Variants in DDX46 observed in about 807,000 individuals in gnomAD.
The protein encoded by DDX46 is DEAD-box helicase 46.
DDX46 carries 30 observed loss-of-function variants against 134.9 expected under a neutral mutation model. That is an observed-to-expected ratio of 0.22 (90% CI 0.17 to 0.30). The LOEUF (loss-of-function observed/expected upper bound fraction) is 0.30. Ranked by LOEUF, DDX46 falls within the 10% of genes least tolerant of loss-of-function variation. DDX46 has a pLI of 1.00. For synonymous variants in DDX46, 415 were observed against 404.1 expected (o/e 1.03, Z -0.32); for missense variants, 622 against 1,248.7 (o/e 0.50, Z 7.56).
chr5:134,771,745 T>C (rs891572860), intron 4 of DDX46, among the ~76,000 whole-genome samples: 1 of 152,044 alleles, frequency 6.6e-6, no homozygotes, highest in African/African-American at 2.4e-5. Flanking sequence ...AATTTTTTTC[T>C]TTTTAATGCT....
intron 1 of DDX46, among the ~76,000 whole-genome samples, chr5:134,761,403 C>T (rs547443955): frequency 3.9e-5 from 6 of 152,086 alleles, no homozygotes; most frequent in Admixed American, 6.5e-5. Flanking sequence ...GCCTAGTGAC[C>T]GGAAGTTGGT....
At chr5:134,771,551 G>A (rs3097174) in intron 4 of DDX46, among the ~76,000 whole-genome samples, 8,244 of 143,942 alleles carry the variant, frequency 0.057, 484 homozygotes, top group African/African-American at 0.16. Context: ...AAAAAAAAAA[G>A]ATTAGCTAGG....
At chr5:134,782,131 A>G (rs763995782) in intron 8 of DDX46, 45 bp downstream of exon 8, 126 of 1,506,932 alleles carry the variant, frequency 8.4e-5, no homozygotes, top group Non-Finnish European at 1.1e-4. Flanking sequence ...GGAACAGAAG[A>G]GGATACATTT....
At position 134,763,930 on chromosome 5, in the gene DDX46, G is replaced by A. The variant is rs1461790480; in HGVS notation, c.44G>A (p.Arg15Gln). ...CACTATCGAAAACGATCGGCATCCC[G>A]GGGTCGCTCTGGAAGTCGGTCTAGA... Reference protein sequence around the residue: ...SRHYRKRSASRGRSGSRSRSR... With the variant: ...SRHYRKRSASQGRSGSRSRSR... Residue 15 changes from arginine to glutamine, a missense_variant, in exon 2 of 23, where the codon CGG becomes CAG. Physicochemically the swap from Arg to Gln is conservative, Grantham distance 43. This residue lies in a region of DDX46 where 244 missense variants were observed against 349.3 expected (regional missense o/e 0.70). Transcript: ENST00000452510. 6.2e-7 allele frequency: 1 copy of A among 1,614,058 alleles called. No homozygotes were observed. Among genetic ancestry groups the A allele is most frequent in the South Asian group, 1.1e-5 (1 of 91,058 alleles).
At chr5:134,780,202 ATGTGTATATG>A (rs200066471) in intron 6 of DDX46, among the ~76,000 whole-genome samples, 83 of 148,840 alleles carry the variant, frequency 5.6e-4, no homozygotes, top group Middle Eastern at 3.5e-3. Context: ...ATGTATGTGT[ATGTGTATATG>A]TGTGTATATG....
At chr5:134,797,181 A>AAAAAAAAC (rs1561865662) in intron 15 of DDX46, 1 of 288,840 alleles carries the variant, frequency 3.5e-6, no homozygotes, top group Non-Finnish European at 6.6e-6. Context: ...AAAAAAAAAA[A>AAAAAAAAC]AAAAAAAAAA....
intron 15 of DDX46, among the ~76,000 whole-genome samples, chr5:134,797,695 A>G (rs1461031487): frequency 1.3e-5 from 2 of 152,258 alleles, no homozygotes; most frequent in Non-Finnish European, 2.9e-5. Flanking sequence ...GCAGAAAAGC[A>G]TATGGAATAG....
At chr5:134,799,279 T>A (rs1041680851) in intron 15 of DDX46, among the ~76,000 whole-genome samples, 2 of 152,140 alleles carry the variant, frequency 1.3e-5, no homozygotes, top group African/African-American at 4.8e-5. Context: ...TTCATGTCAA[T>A]GTGCATATCA....
rs5871543 is a variant in DDX46, at chr5:134,773,110, A to AT, written c.448-579dup. On this transcript the variant is annotated intron_variant, in intron 4 of 22. Transcript: ENST00000452510. ...CCACCATGCCTGGCCATAAACTTGT[A>AT]TTTTTTTAATAACACAGAGTCTCCC... is the stretch of plus-strand genomic sequence containing the variant. Among the ~76,000 whole-genome samples the AT allele has an allele frequency of 6.7e-3, 1,022 of 151,704 alleles. 45 individuals carry two copies. Among genetic ancestry groups the AT allele is most frequent in the Admixed American group, 0.059 (900 of 15,200 alleles).
chr5:134,816,461 C>A lies in DDX46; in HGVS notation c.2468C>A (p.Ser823Ter). Reference sequence around the variant, plus strand: ...GAGCAAATTGAAAGCATGTTTAATTCAAAGAAGAGAGTAAAGGATATGGCT... The same window carrying A: ...GAGCAAATTGAAAGCATGTTTAATTAAAAGAAGAGAGTAAAGGATATGGCT... ...IDEQIESMFN[S>*]KKRVKDMAAP... The change falls in exon 19 of 23, where the codon TCA becomes TAA. Residue 823 changes from serine (S) to a stop codon, truncating the protein, a stop_gained. Transcript: ENST00000452510. LOFTEE classifies it high-confidence loss of function. The A allele has an allele frequency of 6.2e-7, 1 of 1,607,270 alleles. No homozygotes were observed. The highest frequency in any genetic ancestry group is 1.1e-5 in the South Asian group (1 of 89,490).
At chr5:134,766,405 T>C (rs891490601) in intron 2 of DDX46, among the ~76,000 whole-genome samples, 20 of 151,554 alleles carry the variant, frequency 1.3e-4, no homozygotes, top group Non-Finnish European at 1.5e-5. Context: ...AAATACAAAA[T>C]TGGCTGGGCA....
chr5:134,797,296 C>T, intron 15 of DDX46: 1 of 202,204 alleles, frequency 4.9e-6, no homozygotes, highest in Non-Finnish European at 1.0e-5. Flanking sequence ...AATTTAGTTG[C>T]AATAGTTACT....
At chr5:134,817,252 A>G in intron 19 of DDX46, 1 of 446,266 alleles carries the variant, frequency 2.2e-6, no homozygotes, top group East Asian at 3.9e-5. Flanking sequence ...CATCTCTATG[A>G]TCTAGTAGAA....
intron 15 of DDX46, among the ~76,000 whole-genome samples, chr5:134,803,732 G>A (rs1561868308): frequency 1.3e-5 from 2 of 152,022 alleles, no homozygotes; most frequent in South Asian, 2.1e-4. Flanking sequence ...GTTACCTGCC[G>A]GAGGGATTGG....
At chr5:134,819,525 G>C (rs1277296223) in intron 21 of DDX46, among the ~76,000 whole-genome samples, 1 of 152,078 alleles carries the variant, frequency 6.6e-6, no homozygotes, top group East Asian at 1.9e-4. Flanking sequence ...ATTCATTCCA[G>C]AGGCAATTTC....
chr5:134,815,411 A>C (rs550330369), intron 18 of DDX46, among the ~76,000 whole-genome samples: 3 of 152,130 alleles, frequency 2.0e-5, no homozygotes, highest in Non-Finnish European at 4.4e-5. Flanking sequence ...ATTTTTTAAA[A>C]GAAATGCACA....
rs533969113 is a variant in DDX46, at chr5:134,759,092, G to A, written c.17+137G>A. ...CAGCGCTGCCCCGCGAGCATTGGAA[G>A]GGCTGGGGGACCTCGGCTGAGGGAA... On this transcript the variant is annotated intron_variant, in intron 1 of 22. Transcript: ENST00000452510. The A allele has an allele frequency of 3.7e-6, 5 of 1,365,916 alleles. No homozygotes were observed. In the South Asian group the frequency reaches 6.7e-5, roughly 18 times the overall value. The allele number at this position is 1,365,916 out of a possible 1,614,324, so 84.6% of individuals were successfully genotyped here.
chr5:134,796,323 A>G (rs1024859465), intron 15 of DDX46, among the ~76,000 whole-genome samples, 173 bp downstream of exon 15: 1 of 152,228 alleles, frequency 6.6e-6, no homozygotes, highest in African/African-American at 2.4e-5. Flanking sequence ...ATCTAAGAGA[A>G]AGAAGATCAT....
chr5:134,827,088 A>G, intron 22 of DDX46, 68 bp downstream of exon 22: 1 of 1,441,938 alleles, frequency 6.9e-7, no homozygotes, highest in Non-Finnish European at 9.5e-7. Context: ...ATAAATACAG[A>G]GAAGTACTCA....
Sources: gnomAD v4.1 joint callset for allele counts (sites outside exome capture counted in the v4.1 genomes callset) on GRCh38, gnomAD v4.1.1 for gene constraint, gnomAD v4.1.1 regional missense constraint, MANE v1.5 for transcripts, NCBI Gene and HGNC (gene_info 2026-07-23, HGNC 2026-07-21) for gene names.